The following DGKI variants were observed in gnomAD, a reference collection of about 807,000 sequenced individuals.
DGKI encodes the protein DAG kinase iota.
Under a neutral mutation model 147.5 loss-of-function variants are expected in DGKI, and 55 were observed. The observed-to-expected ratio is 0.37, with a 90% CI of 0.30 to 0.47. The LOEUF (loss-of-function observed/expected upper bound fraction) is 0.47. DGKI is among the 20% of genes least tolerant of loss of function. DGKI has a pLI of 1.00. For synonymous variants in DGKI, 469 were observed against 477.1 expected (o/e 0.98, Z 0.22); for missense variants, 1,007 against 1,323.8 (o/e 0.76, Z 3.71).
intron 1 of DGKI, among the ~76,000 whole-genome samples, chr7:137,784,870 T>G (rs749566737): frequency 2.6e-5 from 4 of 152,080 alleles, no homozygotes; most frequent in Non-Finnish European, 5.9e-5. Flanking sequence ...TGTTCCTGAA[T>G]GATCACTGGG....
intron 1 of DGKI, among the ~76,000 whole-genome samples, chr7:137,729,581 C>G (rs574559335): frequency 4.3e-4 from 66 of 152,226 alleles, no homozygotes; most frequent in African/African-American, 1.5e-3. Context: ...CCTACTTCTT[C>G]ACTTCCAAGT....
intron 1 of DGKI, among the ~76,000 whole-genome samples, chr7:137,755,970 G>A (rs2116780613): frequency 6.6e-6 from 1 of 152,316 alleles, no homozygotes; most frequent in Middle Eastern, 3.4e-3. Context: ...CAAAAGGTCA[G>A]TCATGGAAGT....
intron 2 of DGKI, among the ~76,000 whole-genome samples, chr7:137,679,154 G>T (rs10273283): frequency 0.051 from 7,826 of 152,228 alleles, 621 homozygotes; most frequent in African/African-American, 0.17. Context: ...ATTTCTAAGG[G>T]CAGAGGCTTC....
At chr7:137,508,945 A>T (rs1816473412) in intron 21 of DGKI, among the ~76,000 whole-genome samples, 1 of 152,154 alleles carries the variant, frequency 6.6e-6, no homozygotes, top group East Asian at 1.9e-4. Context: ...TACTCATAGC[A>T]TTCACATTAC....
At chr7:137,811,306 A>G (rs1797561177) in intron 1 of DGKI, among the ~76,000 whole-genome samples, 4 of 151,388 alleles carry the variant, frequency 2.6e-5, no homozygotes, top group Admixed American at 2.6e-4. Flanking sequence ...CTAACCAAGA[A>G]CTAACAATAC....
At chr7:137,655,732 T>G (rs764332880) in intron 4 of DGKI, among the ~76,000 whole-genome samples, 7 of 152,232 alleles carry the variant, frequency 4.6e-5, no homozygotes, top group Non-Finnish European at 8.8e-5. Flanking sequence ...TGAAACTACA[T>G]GAATGTCATG....
chr7:137,842,678 A>G (rs975042676), intron 1 of DGKI, among the ~76,000 whole-genome samples: 4 of 152,162 alleles, frequency 2.6e-5, no homozygotes, highest in African/African-American at 9.7e-5. Context: ...ATAAACCTCT[A>G]ACGAGGATAT....
chr7:137,759,977 A>G (rs1008982824), intron 1 of DGKI, among the ~76,000 whole-genome samples: 1 of 152,202 alleles, frequency 6.6e-6, no homozygotes, highest in African/African-American at 2.4e-5. Flanking sequence ...CCATAGCGTG[A>G]GTGAGAAAAT....
chr7:137,598,522 C>T (rs548159007), intron 11 of DGKI, among the ~76,000 whole-genome samples: 3 of 152,276 alleles, frequency 2.0e-5, no homozygotes, highest in African/African-American at 7.2e-5. Flanking sequence ...GGAAGATTGA[C>T]TGATTTTTAT....
chr7:137,684,369 T>G (rs1298710394), intron 2 of DGKI, among the ~76,000 whole-genome samples: 1 of 152,256 alleles, frequency 6.6e-6, no homozygotes. Context: ...TTGAATATAT[T>G]TGCTTAAACA....
chr7:137,714,845 C>A (rs1794328970), intron 1 of DGKI, among the ~76,000 whole-genome samples: 1 of 152,196 alleles, frequency 6.6e-6, no homozygotes, highest in Non-Finnish European at 1.5e-5. Context: ...GTCCTTCATG[C>A]AAGGGTGTCC....
chr7:137,589,719 G>A (rs1819540111), intron 12 of DGKI, among the ~76,000 whole-genome samples: 1 of 152,172 alleles, frequency 6.6e-6, no homozygotes, highest in African/African-American at 2.4e-5. Context: ...ACCAACTGCA[G>A]AAACAACAGC....
At position 137,388,273 on chromosome 7, in the gene DGKI, A is replaced by G. The variant is rs1292693637; in HGVS notation, c.*2947T>C. The G allele has an allele frequency of 6.6e-6, 1 of 152,212 alleles. No individual in the cohort carries two copies. Among genetic ancestry groups the G allele is most frequent in the Non-Finnish European group, 1.5e-5 (1 of 68,030 alleles). The allele number at this position is 152,212 out of a possible 1,614,324, so 9.4% of individuals were successfully genotyped here. ...ATTTTGTTAAATGCACAATATTAAA[A>G]TATAAGCTTGCAAAAATGACTACCT... is the stretch of plus-strand genomic sequence containing the variant. On this transcript the variant is annotated 3_prime_UTR_variant, in exon 33 of 33. Transcript: ENST00000614521.
intron 1 of DGKI, among the ~76,000 whole-genome samples, chr7:137,820,861 G>A (rs187278263): frequency 1.6e-4 from 24 of 152,238 alleles, no homozygotes; most frequent in East Asian, 1.6e-3. Context: ...TCCCCCAGCC[G>A]GCATCAGGCC....
chr7:137,426,357 T>A (rs1478379345), intron 28 of DGKI, among the ~76,000 whole-genome samples: 1 of 152,014 alleles, frequency 6.6e-6, no homozygotes, highest in African/African-American at 2.4e-5. Flanking sequence ...GCTGAGAGAT[T>A]TTGTCACCAG....
rs3217275 is a variant in DGKI, at chr7:137,407,999, CA to C, written c.2800-5del. 1,103,062 of 1,612,430 alleles carry C rather than the reference CA, an allele frequency of 0.68. 378,546 individuals are homozygous for C. The highest frequency in any genetic ancestry group is 0.79 in the Admixed American group (47,666 of 59,974). ...CATTTTTATAGCTTTCTATTAGCTG[CA>C]AAGAGAGACATACAAAAAGAAGCTC... On this transcript the variant is annotated splice_region_variant and splice_polypyrimidine_tract_variant and intron_variant, in intron 29 of 32. Coordinates refer to ENST00000614521, the MANE Select transcript of DGKI (RefSeq NM_001321708.2).
At chr7:137,702,227 T>C (rs1824008306) in intron 1 of DGKI, among the ~76,000 whole-genome samples, 1 of 152,174 alleles carries the variant, frequency 6.6e-6, no homozygotes, top group African/African-American at 2.4e-5. Context: ...CTGAATGACC[T>C]TGGAGTTGGC....
chr7:137,464,520 A>AG (rs1418274634), intron 26 of DGKI, among the ~76,000 whole-genome samples: 2 of 152,128 alleles, frequency 1.3e-5, no homozygotes, highest in African/African-American at 2.4e-5. Flanking sequence ...TGGGGCTCCC[A>AG]GGGGTGCATC....
intron 1 of DGKI, among the ~76,000 whole-genome samples, chr7:137,796,589 A>G (rs1797040292): frequency 6.6e-6 from 1 of 152,194 alleles, no homozygotes; most frequent in African/African-American, 2.4e-5. Flanking sequence ...GTCTCACCAA[A>G]TAGACAATTT....
Sources: gnomAD v4.1 joint callset for allele counts (sites outside exome capture counted in the v4.1 genomes callset) on GRCh38, gnomAD v4.1.1 for gene constraint, MANE v1.5 for transcripts, NCBI Gene and HGNC (gene_info 2026-07-23, HGNC 2026-07-21) for gene names.